HUWE1: variants seen among roughly 807,000 people sequenced by gnomAD.
The protein encoded by HUWE1 is E3 ubiquitin-protein ligase HUWE1.
A neutral mutation model predicts 299.4 loss-of-function variants in HUWE1; 18 were observed. The observed-to-expected ratio is 0.06, with a 90% CI of 0.04 to 0.09. HUWE1 has a LOEUF of 0.09. Ranked by LOEUF, HUWE1 falls within the 10% of genes least tolerant of loss-of-function variation. The pLI, the probability that HUWE1 is intolerant of heterozygous loss-of-function variation, is 1.00. For synonymous variants in HUWE1, 1,317 were observed against 1,286.1 expected (o/e 1.02, Z -0.51); for missense variants, 1,832 against 3,462.3 (o/e 0.53, Z 11.82).
In HUWE1 at chrX:53,680,161, C is replaced by A. The variant is rs928668794; in HGVS notation, c.-137G>T. The A allele has an allele frequency of 2.4e-5, 7 of 295,233 alleles. No individual in the cohort carries two copies. Among genetic ancestry groups the A allele is most frequent in the Admixed American group, 1.9e-4 (3 of 16,212 alleles). 24.3% of individuals were successfully genotyped at this position (295,233 alleles called of 1,213,427 possible). A position where few individuals can be genotyped will look rare whatever the true frequency, so the allele number is the denominator to read the frequency against. ...CTGCTGGTTTCTCTGGATCACTAAC[C>A]CACTCAGGTCAGGCTGCTGGAGGAC... On this transcript the variant is annotated 5_prime_UTR_variant, in exon 3 of 84. Transcript: ENST00000262854.
At chrX:53,615,902 G>A in intron 21 of HUWE1, 67 bp from the exon 22 acceptor site, 2 of 778,362 alleles carry the variant, frequency 2.6e-6, no homozygotes, top group Non-Finnish European at 2.0e-6. Context: ...GCTCTTTTCT[G>A]TACCAACATA....
At chrX:53,538,697 T>TACACAC (rs781962529) in intron 76 of HUWE1, 138 bp downstream of exon 76, 19 of 434,616 alleles carry the variant, frequency 4.4e-5, no homozygotes, top group African/African-American at 4.2e-4. Context: ...TGTGTGTATG[T>TACACAC]ACACACACAC....
rs201245029 is a variant in HUWE1 at position 53,559,532 on chromosome X, C to T, written c.7737G>A (p.Arg2579=). 8.3e-7 allele frequency: 1 copy of T among 1,208,267 alleles called. No homozygotes were observed. Among genetic ancestry groups the T allele is most frequent in the South Asian group, 1.8e-5 (1 of 56,532 alleles). ...CAGCAGCAGCTGAGGGACCAAGCAACCTGTAGGGTAATGGTGGGTACCATG... is the reference window on the plus strand; with the variant it reads ...CAGCAGCAGCTGAGGGACCAAGCAATCTGTAGGGTAATGGTGGGTACCATG... The part of the protein sequence containing the change: ...RQPNPPLILQ[R]LLGPSAAADI... Residue 2579 remains arginine (R), a splice_region_variant and synonymous_variant, in exon 57 of 84, where the codon AGG becomes AGA. Coordinates refer to ENST00000262854, the MANE Select transcript of HUWE1 (RefSeq NM_031407.7).
intron 7 of HUWE1, among the ~76,000 whole-genome samples, chrX:53,642,718 T>A (rs1478520726): frequency 8.9e-6 from 1 of 112,594 alleles, no homozygotes; most frequent in Non-Finnish European, 1.9e-5. Flanking sequence ...TACCTTGTTT[T>A]ATTTTTATTT....
chrX:53,635,084 G>C (rs1243246063), intron 7 of HUWE1, among the ~76,000 whole-genome samples: 2 of 110,188 alleles, frequency 1.8e-5, no homozygotes, highest in Non-Finnish European at 3.8e-5. Flanking sequence ...GCCTCATGGG[G>C]CAAGGCATAT....
Position 53,611,206 on chromosome X carries a change from A to AG in HUWE1, c.2262-2298_2262-2297insC, listed in dbSNP as rs1361998157. ...GATTTTGTAAAAAAAAAAAAAAAAA[A>AG]AAAGAAAGGGTAGTGTCTAAGCCTG... On this transcript the variant is annotated intron_variant, in intron 23 of 83. Coordinates refer to ENST00000262854, the MANE Select transcript of HUWE1 (RefSeq NM_031407.7). Among the ~76,000 whole-genome samples, 16 of 109,250 alleles carry AG rather than the reference A, an allele frequency of 1.5e-4. No homozygotes were observed. In the Admixed American group the frequency reaches 1.5e-3, roughly 10 times the overall value. 94.9% of individuals were successfully genotyped at this position (109,250 alleles called of 115,157 possible).
chrX:53,627,765 G>A lies in HUWE1; in HGVS notation c.1357C>T (p.Leu453Phe). 1 of 1,202,205 alleles carries A rather than the reference G, an allele frequency of 8.3e-7. No homozygotes were observed. The highest frequency in any genetic ancestry group is 1.1e-6 in the Non-Finnish European group (1 of 887,290). ...TCAAGTCTATAAATGAAGATAGAAA[G>A]TCCACTATGGGATTGAAAAGCTGCC... ...DMAAFQSHSGLSIFIYRLEHE... is the reference protein window; with the variant it reads ...DMAAFQSHSGFSIFIYRLEHE... Residue 453 changes from leucine (L) to phenylalanine (F), a missense_variant, in exon 16 of 84, where the codon CTT becomes TTT. Leu to Phe is a conservative substitution (Grantham distance 22). Around this residue, in one of 15 missense-constraint regions of HUWE1, gnomAD observed 658 missense variants for 1,282.6 expected, o/e 0.51. Coordinates refer to ENST00000262854, the MANE Select transcript of HUWE1 (RefSeq NM_031407.7).
Position 53,569,664 on chromosome X carries a change from G to C in HUWE1, c.6476C>G (p.Ala2159Gly), listed in dbSNP as rs782139242. Residue 2159 changes from alanine (A) to glycine (G), a missense_variant, in exon 48 of 84, where the codon GCC becomes GGC. Transcript: ENST00000262854. Reference sequence around the variant, plus strand: ...AGCCATAGCCAGTGCCCGTCCAAGGGCTGCTTTTACTTCATTCACTAGGGC... The same window carrying C: ...AGCCATAGCCAGTGCCCGTCCAAGGCCTGCTTTTACTTCATTCACTAGGGC... The part of the protein sequence containing the change: ...QVALVNEVKA[A>G]LGRALAMAES... The C allele has an allele frequency of 8.3e-7, 1 of 1,212,017 alleles. No homozygotes were observed. Among genetic ancestry groups the C allele is most frequent in the Non-Finnish European group, 1.1e-6 (1 of 895,490 alleles).
chrX:53,538,736 T>C, intron 76 of HUWE1, 99 bp downstream of exon 76: 1 of 856,982 alleles, frequency 1.2e-6, no homozygotes, highest in African/African-American at 2.0e-5. Context: ...TCTCTCTCTC[T>C]CTCTCTCTCT....
intron 33 of HUWE1, 62 bp from the exon 34 acceptor site, chrX:53,591,184 G>T: frequency 8.7e-7 from 1 of 1,155,270 alleles, no homozygotes; most frequent in Non-Finnish European, 1.2e-6. Context: ...TTTTTAAAAG[G>T]AAGGAACCTT....
intron 3 of HUWE1, among the ~76,000 whole-genome samples, chrX:53,662,905 T>C (rs1418054762): frequency 2.7e-5 from 3 of 111,086 alleles, no homozygotes; most frequent in South Asian, 3.8e-4. Context: ...CTGGGCAACA[T>C]GGTGAAACCC....
At chrX:53,624,737 A>G (rs2066373290) in intron 18 of HUWE1, 62 bp from the exon 19 acceptor site, 1 of 793,916 alleles carries the variant, frequency 1.3e-6, no homozygotes, top group African/African-American at 2.1e-5. Flanking sequence ...AGGAGTGGGG[A>G]TAATTGAGTG....
chrX:53,589,717 A>G lies in HUWE1; in HGVS notation c.4291T>C (p.Leu1431=). ...CLEKFQDADP[L]EQDELHTFTD... The stretch of plus-strand genomic sequence containing the variant: ...AAAGTGTGGAGCTCATCTTGTTCCA[A>G]CGGGTCAGCATCCTGGAACTTCTCT... Residue 1431 remains leucine, a synonymous_variant, in exon 36 of 84, where the codon TTG becomes CTG. Coordinates refer to ENST00000262854, the MANE Select transcript of HUWE1 (RefSeq NM_031407.7). 1 of 1,211,222 alleles carries G rather than the reference A, an allele frequency of 8.3e-7. No individual in the cohort carries two copies. The highest frequency in any genetic ancestry group is 1.1e-6 in the Non-Finnish European group (1 of 895,206).
intron 2 of HUWE1, among the ~76,000 whole-genome samples, chrX:53,683,465 T>C (rs782251615): frequency 1.5e-3 from 162 of 110,939 alleles, no homozygotes; most frequent in African/African-American, 5.1e-3. Context: ...CACTCTTCAT[T>C]GGTTGCTCCT....
intron 3 of HUWE1, among the ~76,000 whole-genome samples, chrX:53,671,791 CAA>C (rs60356592): frequency 0.11 from 2,947 of 27,863 alleles, 55 homozygotes; most frequent in African/African-American, 0.32. Context: ...GACTCCGTCT[CAA>C]AAAAAAAAAA....
chrX:53,584,874 C>T, intron 40 of HUWE1, 138 bp downstream of exon 40: 1 of 708,250 alleles, frequency 1.4e-6, no homozygotes, highest in Non-Finnish European at 2.2e-6. Flanking sequence ...ATAAACTACA[C>T]TAACGATATT....
At chrX:53,670,342 A>G (rs1557048929) in intron 3 of HUWE1, among the ~76,000 whole-genome samples, 1 of 112,131 alleles carries the variant, frequency 8.9e-6, no homozygotes, top group East Asian at 2.8e-4. Flanking sequence ...GAGATAAAAC[A>G]TAGTGAAAAC....
intron 61 of HUWE1, among the ~76,000 whole-genome samples, chrX:53,553,213 G>A (rs1331967496): frequency 3.7e-5 from 4 of 109,501 alleles, no homozygotes; most frequent in Non-Finnish European, 7.6e-5. Flanking sequence ...GCACAATCTC[G>A]GCTCACTGCA....
chrX:53,669,819 A>G (rs1439232145), intron 3 of HUWE1, among the ~76,000 whole-genome samples: 3 of 112,524 alleles, frequency 2.7e-5, no homozygotes, highest in Non-Finnish European at 5.6e-5. Context: ...CCATTACTTC[A>G]GCATAAAAAG....
Sources: gnomAD v4.1 joint callset for allele counts (sites outside exome capture counted in the v4.1 genomes callset) on GRCh38, gnomAD v4.1.1 for gene constraint, gnomAD v4.1.1 regional missense constraint, MANE v1.5 for transcripts, NCBI Gene and HGNC (gene_info 2026-07-23, HGNC 2026-07-21) for gene names.